Variants in PDHX observed in about 807,000 individuals in gnomAD.
The protein encoded by PDHX is pyruvate dehydrogenase protein X component, mitochondrial.
In PDHX, 33 loss-of-function variants were observed where a neutral mutation model predicts 55.3. That is an observed-to-expected ratio of 0.60 (90% confidence interval 0.45 to 0.80). The LOEUF (loss-of-function observed/expected upper bound fraction) is 0.80, where lower values mean the gene tolerates loss of function less well. PDHX is among the 30% of genes least tolerant of loss of function. The probability of loss-of-function intolerance (pLI) is 0.00; values close to 1 mark genes in which losing one functional copy is unlikely to be tolerated. For missense variants in PDHX, 622 were observed against 619.9 expected, an observed-to-expected ratio of 1.00 and a Z score of -0.04; for synonymous variants, 226 against 219.4, an observed-to-expected ratio of 1.03 and a Z score of -0.27.
chr11:34,991,906 CAAAA>C (rs1169109545), intron 9 of PDHX, among the ~76,000 whole-genome samples: 2 of 37,308 alleles, frequency 5.4e-5, no homozygotes, highest in Non-Finnish European at 1.6e-4. Context: ...TGAGACTTCT[CAAAA>C]AAAAAAAAAA....
chr11:34,947,652 A>C (rs1854656418), intron 3 of PDHX, 46 bp downstream of exon 3: 5 of 1,260,974 alleles, frequency 4.0e-6, no homozygotes, highest in Non-Finnish European at 5.8e-6. Context: ...AGATTTCTTG[A>C]GTGGAAAGTT....
intron 6 of PDHX, among the ~76,000 whole-genome samples, chr11:34,969,675 CAA>C (rs1293968168): frequency 6.6e-6 from 1 of 152,028 alleles, no homozygotes; most frequent in Non-Finnish European, 1.5e-5. Flanking sequence ...ATATTTGTAA[CAA>C]AAGCTGCTTA....
At chr11:34,961,969 T>C (rs1048835593) in intron 5 of PDHX, among the ~76,000 whole-genome samples, 1 of 152,242 alleles carries the variant, frequency 6.6e-6, no homozygotes, top group African/African-American at 2.4e-5. Flanking sequence ...CTACTGTTGG[T>C]ATCTTAATCT....
chr11:34,981,612 C>A (rs1231917914), intron 8 of PDHX, among the ~76,000 whole-genome samples: 1 of 152,138 alleles, frequency 6.6e-6, no homozygotes, highest in African/African-American at 2.4e-5. Context: ...TTTACAGTCC[C>A]ACCAGCAGTG....
chr11:34,947,603 C>A lies in PDHX; in HGVS notation c.339C>A (p.Ile113=). 6.3e-7 allele frequency: 1 copy of A among 1,596,738 alleles called. No homozygotes were observed. The highest frequency in any genetic ancestry group is 8.6e-7 in the Non-Finnish European group (1 of 1,164,230). The stretch of plus-strand genomic sequence containing the variant: ...GTGATGATGGAATCTTGGCCAAAAT[C>A]GTGGTAAGTTTTTATTTTAATTTTC... ...DASDDGILAK[I]VVEEGSKNIR... The change falls in exon 3 of 11, where the codon ATC becomes ATA. Residue 113 remains isoleucine (I), a synonymous_variant. Coordinates refer to ENST00000227868, the MANE Select transcript of PDHX (RefSeq NM_003477.3).
At chr11:34,919,553 A>G (rs1446890844) in intron 1 of PDHX, among the ~76,000 whole-genome samples, 1 of 152,188 alleles carries the variant, frequency 6.6e-6, no homozygotes, top group Non-Finnish European at 1.5e-5. Context: ...CACATAACCT[A>G]GTAAAGTTGG....
intron 9 of PDHX, among the ~76,000 whole-genome samples, chr11:34,989,643 A>T (rs1323997613): frequency 6.6e-6 from 1 of 152,184 alleles, no homozygotes; most frequent in Non-Finnish European, 1.5e-5. Context: ...TCTGATCGTC[A>T]CTTGGCTGGC....
At chr11:34,951,811 T>C (rs2133967315) in intron 3 of PDHX, among the ~76,000 whole-genome samples, 1 of 152,314 alleles carries the variant, frequency 6.6e-6, no homozygotes, top group South Asian at 2.1e-4. Context: ...GGTTTTCTTC[T>C]AGGGTTTTTA....
intron 1 of PDHX, among the ~76,000 whole-genome samples, chr11:34,920,462 T>C (rs1853847425): frequency 6.6e-6 from 1 of 152,180 alleles, no homozygotes; most frequent in Non-Finnish European, 1.5e-5. Flanking sequence ...GAGCCTACAG[T>C]AGGATTCCAA....
intron 3 of PDHX, among the ~76,000 whole-genome samples, chr11:34,955,879 T>C (rs550122147): frequency 1.3e-5 from 2 of 152,266 alleles, no homozygotes; most frequent in South Asian, 2.1e-4. Context: ...CTGATTCAGT[T>C]TTGAAAGGAA....
At position 34,966,770 on chromosome 11, in the gene PDHX, C is replaced by A; in HGVS notation, c.772C>A (p.Pro258Thr). ...QATAGPSYPR[P>T]VIPPVSTPGQ... ...CACAGCTGGACCATCTTATCCCCGGCCTGTGATCCCACCAGTATCAACTCC... is the reference window on the plus strand; with the variant it reads ...CACAGCTGGACCATCTTATCCCCGGACTGTGATCCCACCAGTATCAACTCC... Residue 258 changes from proline (P) to threonine (T), a missense_variant, in exon 6 of 11, where the codon CCT becomes ACT. By Grantham distance (38) the Pro-to-Thr change is conservative. Transcript: ENST00000227868. 1 of 1,614,122 alleles carries A rather than the reference C, an allele frequency of 6.2e-7. No individual in the cohort carries two copies. The highest frequency in any genetic ancestry group is 8.5e-7 in the Non-Finnish European group (1 of 1,179,992).
upstream of PDHX, chr11:34,916,359 AG>A (rs1406249195): frequency 6.3e-7 from 1 of 1,575,700 alleles, no homozygotes; most frequent in Non-Finnish European, 8.6e-7. Context: ...GGGATACGGC[AG>A]CGAGGCCGCA....
At position 34,994,899 on chromosome 11, in the gene PDHX, T is replaced by C. The variant is rs749908412; in HGVS notation, c.1248-15T>C. On this transcript the variant is annotated splice_polypyrimidine_tract_variant and intron_variant, in intron 10 of 10. Coordinates refer to ENST00000227868, the MANE Select transcript of PDHX (RefSeq NM_003477.3). ...AAGGACATGCCTCCTTCAGAGCTTT[T>C]TCTTTTCCCCCTAGTATTTCCAACT... 34 of 1,613,704 alleles carry C rather than the reference T, an allele frequency of 2.1e-5. No homozygotes were observed. The highest frequency in any genetic ancestry group is 2.7e-5 in the Non-Finnish European group (32 of 1,179,824).
At position 34,966,736 on chromosome 11, in the gene PDHX, C is replaced by T; in HGVS notation, c.738C>T (p.Pro246=). The change falls in exon 6 of 11, where the codon CCC becomes CCT. Residue 246 remains proline, a synonymous_variant. Coordinates refer to ENST00000227868, the MANE Select transcript of PDHX (RefSeq NM_003477.3). ...APTATPTAPS[P]LQATAGPSYP... is the part of the protein sequence containing the mutation. ...CAGCCACTCCCACAGCACCTTCGCC[C>T]CTACAGGCCACAGCTGGACCATCTT... is the stretch of plus-strand genomic sequence containing the variant. 1 of 1,614,166 alleles carries T rather than the reference C, an allele frequency of 6.2e-7. No individual in the cohort carries two copies. Among genetic ancestry groups the T allele is most frequent in the Non-Finnish European group, 8.5e-7 (1 of 1,180,012 alleles).
chr11:34,952,148 G>C (rs571849835), intron 3 of PDHX, among the ~76,000 whole-genome samples: 15,217 of 152,078 alleles, frequency 0.1, 1,577 homozygotes, highest in African/African-American at 0.27. Context: ...CCAGGAAGAA[G>C]TTGAATCTGA....
upstream of PDHX, chr11:34,916,420 C>T: frequency 6.9e-7 from 1 of 1,443,012 alleles, no homozygotes. Flanking sequence ...GCGAACGGGG[C>T]GGGGGCCGGG....
intron 3 of PDHX, among the ~76,000 whole-genome samples, chr11:34,956,872 A>G (rs139916294): frequency 4.4e-4 from 67 of 152,308 alleles, no homozygotes; most frequent in African/African-American, 1.5e-3. Context: ...AGTTCTATCT[A>G]TACATTAGAA....
intron 5 of PDHX, among the ~76,000 whole-genome samples, chr11:34,961,721 C>G (rs150802731): frequency 2.0e-4 from 30 of 152,234 alleles, no homozygotes; most frequent in Admixed American, 8.5e-4. Context: ...GTATTACACT[C>G]TTACTAATTT....
chr11:34,921,265 A>G (rs938534052), intron 1 of PDHX, among the ~76,000 whole-genome samples: 2 of 151,966 alleles, frequency 1.3e-5, no homozygotes, highest in African/African-American at 2.4e-5. Flanking sequence ...TCTCTTATTT[A>G]CTTTGTTTTC....
Sources: gnomAD v4.1 joint callset for allele counts (sites outside exome capture counted in the v4.1 genomes callset) on GRCh38, gnomAD v4.1.1 for gene constraint, MANE v1.5 for transcripts, NCBI Gene and HGNC (gene_info 2026-07-23, HGNC 2026-07-21) for gene names.